Variants in POLR3B observed in about 807,000 individuals in gnomAD.
POLR3B encodes the protein RNA polymerase III subunit B.
A neutral mutation model predicts 147.4 loss-of-function variants in POLR3B; 96 were observed. The observed-to-expected ratio is 0.65, with a 90% CI of 0.55 to 0.77. The LOEUF (loss-of-function observed/expected upper bound fraction) is 0.77, where lower values mean the gene tolerates loss of function less well. POLR3B is among the 30% of genes least tolerant of loss of function. The pLI is 0.00. For missense variants in POLR3B, 1,036 were observed against 1,413.5 expected (o/e 0.73, Z 4.28); for synonymous variants, 461 against 485.9 (o/e 0.95, Z 0.67).
At chr12:106,437,882 A>G (rs1174114474) in intron 18 of POLR3B, 103 bp downstream of exon 18, 31 of 737,492 alleles carry the variant, frequency 4.2e-5, no homozygotes, top group African/African-American at 1.1e-4. Flanking sequence ...TACTCTTTTG[A>G]CAGGAACTGT....
At chr12:106,501,247 A>G in intron 25 of POLR3B, 76 bp from the exon 26 acceptor site, 1 of 853,838 alleles carries the variant, frequency 1.2e-6, no homozygotes, top group Non-Finnish European at 2.1e-6. Flanking sequence ...AGGACCTGCC[A>G]GTGATGGGTC....
intron 23 of POLR3B, among the ~76,000 whole-genome samples, chr12:106,482,430 G>A (rs1439259779): frequency 6.6e-6 from 1 of 152,146 alleles, no homozygotes; most frequent in Non-Finnish European, 1.5e-5. Flanking sequence ...GGCTAGGGAG[G>A]CCTCAGGAAA....
At chr12:106,378,483 A>G in intron 8 of POLR3B, 99 bp downstream of exon 8, 2 of 703,904 alleles carry the variant, frequency 2.8e-6, no homozygotes, top group East Asian at 5.0e-5. Context: ...ATTACCCTCT[A>G]AAAGCAGGCA....
chr12:106,482,258 A>T (rs541869926), intron 23 of POLR3B, among the ~76,000 whole-genome samples: 60 of 152,318 alleles, frequency 3.9e-4, no homozygotes, highest in Non-Finnish European at 6.8e-4. Context: ...AGTTTTTTTA[A>T]AAAATAATTG....
At position 106,441,954 on chromosome 12, in the gene POLR3B, T is replaced by C. The variant is rs1003008528; in HGVS notation, c.1956-2509T>C. On this transcript the variant is annotated intron_variant, in intron 18 of 27. Transcript: ENST00000228347. ...AATTAGCTGGGTGTGGTGGCGCATG[T>C]CTGTAATCCCAGCTACTCCGGAGGC... Among the ~76,000 whole-genome samples the C allele has an allele frequency of 5.9e-5, 9 of 151,952 alleles. No individual in the cohort carries two copies. In the East Asian group the frequency reaches 1.6e-3, roughly 26 times the overall value.
chr12:106,448,666 CT>C (rs1385690226), intron 19 of POLR3B, among the ~76,000 whole-genome samples: 1 of 151,792 alleles, frequency 6.6e-6, no homozygotes, highest in African/African-American at 2.4e-5. Context: ...TCTCGAACTC[CT>C]GACCTCAGGT....
chr12:106,398,407 C>A (rs558929412), intron 10 of POLR3B, among the ~76,000 whole-genome samples: 3 of 152,198 alleles, frequency 2.0e-5, no homozygotes, highest in South Asian at 2.1e-4. Flanking sequence ...CCTCTGGGGG[C>A]AGGGCACAGA....
At position 106,410,906 on chromosome 12, in the gene POLR3B, TA is replaced by T; in HGVS notation, c.1050del (p.Val351LeufsTer34). 1.2e-6 allele frequency: 2 copies of T among 1,613,786 alleles called. No homozygotes were observed. The highest frequency in any genetic ancestry group is 1.7e-6 in the Non-Finnish European group (2 of 1,179,724). On this transcript the variant is annotated frameshift_variant, in exon 12 of 28. Coordinates refer to ENST00000228347, the MANE Select transcript of POLR3B (RefSeq NM_018082.6). LOFTEE classifies it high-confidence loss of function. ...RRVILAQGDN[K>X]VDDRDYYGNK... ...GAGTTATTCTGGCCCAAGGAGATAA[TA>T]AAGTTGACGACAGAGATTATTATGG...
At chr12:106,430,566 TC>T in intron 14 of POLR3B, 93 bp downstream of exon 14, 2 of 902,058 alleles carry the variant, frequency 2.2e-6, no homozygotes, top group Non-Finnish European at 3.7e-6. Flanking sequence ...TGTTCCCATC[TC>T]CAGGCCATAT....
intron 23 of POLR3B, among the ~76,000 whole-genome samples, chr12:106,490,328 G>A (rs1286977777): frequency 6.6e-6 from 1 of 152,152 alleles, no homozygotes; most frequent in African/African-American, 2.4e-5. Context: ...CATTGTAAGG[G>A]TTTCAATTAA....
chr12:106,475,963 G>A (rs944305591), intron 23 of POLR3B, among the ~76,000 whole-genome samples: 10 of 150,458 alleles, frequency 6.6e-5, no homozygotes, highest in Admixed American at 3.3e-4. Context: ...TCCTAGTCTC[G>A]ATGGTCTTTA....
chr12:106,483,296 C>T (rs531638270), intron 23 of POLR3B, among the ~76,000 whole-genome samples: 20 of 152,288 alleles, frequency 1.3e-4, no homozygotes, highest in African/African-American at 4.6e-4. Flanking sequence ...TGCCCACCCA[C>T]GTCCATCCCA....
chr12:106,398,304 G>C (rs1024927451), intron 10 of POLR3B, among the ~76,000 whole-genome samples: 3 of 152,226 alleles, frequency 2.0e-5, no homozygotes, highest in East Asian at 1.9e-4. Flanking sequence ...CACCATTGCC[G>C]AGACTTGATT....
At position 106,459,025 on chromosome 12, in the gene POLR3B, A is replaced by ATG. The variant is rs113294680; in HGVS notation, c.2453-209_2453-208dup. 8.2e-3 allele frequency among the ~76,000 whole-genome samples: 1,233 copies of ATG among 150,066 alleles called. 8 individuals carry two copies. The highest frequency in any genetic ancestry group is 0.012 in the African/African-American group (485 of 41,004). ...TTTTCTTAATTTTATATAGACTATG[A>ATG]TGTGTGTGTGTGTGTGTGGGTGTGT... On this transcript the variant is annotated intron_variant, in intron 21 of 27. Transcript: ENST00000228347.
At chr12:106,430,993 G>A (rs918954428) in intron 14 of POLR3B, among the ~76,000 whole-genome samples, 1 of 152,170 alleles carries the variant, frequency 6.6e-6, no homozygotes, top group Non-Finnish European at 1.5e-5. Flanking sequence ...GCTACTCCCT[G>A]TGTCACGGTC....
intron 23 of POLR3B, among the ~76,000 whole-genome samples, chr12:106,470,335 C>A (rs1028891543): frequency 3.9e-5 from 6 of 152,032 alleles, no homozygotes; most frequent in African/African-American, 1.4e-4. Context: ...ACTGATTGTT[C>A]TAGTTAGCCA....
rs758361152 is a variant in POLR3B at position 106,427,181 on chromosome 12, T to TC, written c.1102-16_1102-15insC. On this transcript the variant is annotated splice_polypyrimidine_tract_variant and intron_variant, in intron 12 of 27. Coordinates refer to ENST00000228347, the MANE Select transcript of POLR3B (RefSeq NM_018082.6). ...CTTTTTGAAAAATCACCATATACCT[T>TC]TTTTTTTTTTTTTAGCTTTTATCTC... 4.9e-6 allele frequency: 3 copies of TC among 618,502 alleles called. No homozygotes were observed. The highest frequency in any genetic ancestry group is 6.2e-6 in the Non-Finnish European group (3 of 480,666). 38.3% of individuals were successfully genotyped at this position (618,502 alleles called of 1,614,324 possible). A position where few individuals can be genotyped will look rare whatever the true frequency, so the allele number is the denominator to read the frequency against.
intron 19 of POLR3B, among the ~76,000 whole-genome samples, chr12:106,450,801 A>G (rs998825527): frequency 2.0e-5 from 3 of 152,220 alleles, no homozygotes; most frequent in Non-Finnish European, 4.4e-5. Flanking sequence ...CTTAAAGTTA[A>G]CTATACCCTT....
At chr12:106,419,460 G>A (rs2037346337) in intron 12 of POLR3B, among the ~76,000 whole-genome samples, 1 of 152,148 alleles carries the variant, frequency 6.6e-6, no homozygotes. Context: ...TCTTCATTCT[G>A]AGTCAAAAAA....
Sources: allele counts gnomAD v4.1 joint callset (sites outside exome capture counted in the v4.1 genomes callset), GRCh38; gene constraint gnomAD v4.1.1; transcripts MANE v1.5; gene names NCBI Gene and HGNC (gene_info 2026-07-23, HGNC 2026-07-21).